Variants in SLC35F4 observed in about 807,000 individuals in gnomAD.
The protein encoded by SLC35F4 is chromosome 14 open reading frame 36.
A neutral mutation model predicts 44.2 loss-of-function variants in SLC35F4; 24 were observed. That is an observed-to-expected ratio of 0.54 (90% confidence interval 0.39 to 0.76). The LOEUF (loss-of-function observed/expected upper bound fraction) is 0.76, where lower values mean the gene tolerates loss of function less well. Ranked by LOEUF, SLC35F4 falls within the 30% of genes least tolerant of loss-of-function variation. The pLI, the probability that SLC35F4 is intolerant of heterozygous loss-of-function variation, is 0.00. For synonymous variants in SLC35F4, 238 were observed against 223.6 expected (o/e 1.06, Z -0.57); for missense variants, 562 against 586.1 (o/e 0.96, Z 0.42).
At chr14:57,720,621 A>C (rs1343530524) in intron 1 of SLC35F4, among the ~76,000 whole-genome samples, 2 of 151,984 alleles carry the variant, frequency 1.3e-5, no homozygotes, top group African/African-American at 4.8e-5. Context: ...ACTGAGTGTC[A>C]GCTTGATTGG....
At chr14:57,927,470 T>TG (rs1889601327) in intron 1 of SLC35F4, among the ~76,000 whole-genome samples, 3 of 151,500 alleles carry the variant, frequency 2.0e-5, no homozygotes, top group African/African-American at 7.3e-5. Context: ...GGTTTGAGTT[T>TG]TTTTTTTTTA....
chr14:57,622,599 C>T (rs1475248820), intron 1 of SLC35F4, among the ~76,000 whole-genome samples: 5 of 130,778 alleles, frequency 3.8e-5, no homozygotes, highest in Admixed American at 3.5e-4. Context: ...TATTCTCACT[C>T]ATAGGTGGGA....
At chr14:57,920,902 A>G (rs1351431400) in intron 1 of SLC35F4, among the ~76,000 whole-genome samples, 1 of 152,234 alleles carries the variant, frequency 6.6e-6, no homozygotes, top group Non-Finnish European at 1.5e-5. Context: ...AAATGTATAG[A>G]TTACATTTGT....
chr14:57,914,790 C>T (rs1252071409), intron 1 of SLC35F4, among the ~76,000 whole-genome samples: 3 of 152,170 alleles, frequency 2.0e-5, no homozygotes, highest in Non-Finnish European at 4.4e-5. Context: ...TCTCAAGTAG[C>T]CCTGCCCCTA....
chr14:57,725,416 T>C (rs1594892111), intron 1 of SLC35F4, among the ~76,000 whole-genome samples: 1 of 152,114 alleles, frequency 6.6e-6, no homozygotes, highest in Non-Finnish European at 1.5e-5. Context: ...TCTTCCAACA[T>C]GGAAAGGGTA....
intron 1 of SLC35F4, among the ~76,000 whole-genome samples, chr14:57,752,484 C>T (rs754991536): frequency 6.7e-6 from 1 of 149,836 alleles, no homozygotes; most frequent in African/African-American, 2.5e-5. Flanking sequence ...TTTTTTGAGA[C>T]GGAGTCTTGC....
chr14:57,805,101 T>C (rs1226803077), intron 1 of SLC35F4, among the ~76,000 whole-genome samples: 1 of 152,054 alleles, frequency 6.6e-6, no homozygotes, highest in Non-Finnish European at 1.5e-5. Context: ...GAGTAGCTAT[T>C]ATTAAAGTCA....
rs1394492402 is a variant in SLC35F4, at chr14:57,694,337, T to A, written c.104-100213A>T. 2.0e-5 allele frequency among the ~76,000 whole-genome samples: 3 copies of A among 152,332 alleles called. No homozygotes were observed. In the East Asian group the frequency reaches 5.8e-4, roughly 29 times the overall value. On this transcript the variant is annotated intron_variant, in intron 1 of 7. Transcript: ENST00000556826. ...ATTTAAATAATCAAATAGGTATTTA[T>A]CAAAAATTGTGTGATACAGTTGTAC...
chr14:57,682,490 G>C (rs568473957), intron 1 of SLC35F4, among the ~76,000 whole-genome samples: 2 of 152,178 alleles, frequency 1.3e-5, no homozygotes, highest in African/African-American at 2.4e-5. Flanking sequence ...ACCTGTCATG[G>C]GGTAGGGGGC....
chr14:57,883,703 C>T (rs958119960), intron 1 of SLC35F4, among the ~76,000 whole-genome samples: 1 of 152,142 alleles, frequency 6.6e-6, no homozygotes, highest in African/African-American at 2.4e-5. Context: ...TTGGGTGGGG[C>T]CTCATCATCT....
At chr14:57,794,647 C>A (rs2078011816) in intron 1 of SLC35F4, among the ~76,000 whole-genome samples, 1 of 152,064 alleles carries the variant, frequency 6.6e-6, no homozygotes, top group South Asian at 2.1e-4. Context: ...CCATTCTGTT[C>A]ATTTTAATTC....
At chr14:57,707,785 C>G (rs1207049305) in intron 1 of SLC35F4, among the ~76,000 whole-genome samples, 1 of 152,108 alleles carries the variant, frequency 6.6e-6, no homozygotes, top group Non-Finnish European at 1.5e-5. Flanking sequence ...TTTGAAACTG[C>G]CTTTGCAAAA....
At chr14:57,651,787 G>A (rs894529933) in intron 1 of SLC35F4, among the ~76,000 whole-genome samples, 8 of 152,256 alleles carry the variant, frequency 5.3e-5, no homozygotes, top group Middle Eastern at 3.4e-3. Context: ...GGTCTAAGAC[G>A]GCTGGAGGGA....
chr14:57,847,837 A>G (rs1010761168), intron 1 of SLC35F4, among the ~76,000 whole-genome samples: 3 of 152,238 alleles, frequency 2.0e-5, no homozygotes, highest in Non-Finnish European at 4.4e-5. Flanking sequence ...CTTAGTTTAC[A>G]GTAAATGTAG....
intron 1 of SLC35F4, among the ~76,000 whole-genome samples, chr14:57,763,029 A>T (rs2077160078): frequency 6.6e-6 from 1 of 152,196 alleles, no homozygotes; most frequent in African/African-American, 2.4e-5. Flanking sequence ...CTTATAGAAC[A>T]TTAACCAATT....
chr14:57,842,744 A>G (rs1267267851), intron 1 of SLC35F4, among the ~76,000 whole-genome samples: 1 of 152,126 alleles, frequency 6.6e-6, no homozygotes. Context: ...GATGGTTAAT[A>G]TTGAGTGTCA....
At chr14:57,686,930 A>G (rs1029975625) in intron 1 of SLC35F4, among the ~76,000 whole-genome samples, 1 of 151,644 alleles carries the variant, frequency 6.6e-6, no homozygotes, top group African/African-American at 2.4e-5. Flanking sequence ...GATAGTATTT[A>G]GAGATAAGGT....
At chr14:57,790,153 G>A (rs2077879187) in intron 1 of SLC35F4, among the ~76,000 whole-genome samples, 1 of 152,124 alleles carries the variant, frequency 6.6e-6, no homozygotes, top group African/African-American at 2.4e-5. Context: ...AGGGCAATCA[G>A]GCAAGAGAAA....
At chr14:57,894,754 T>C (rs1888837862) in intron 1 of SLC35F4, among the ~76,000 whole-genome samples, 4 of 151,596 alleles carry the variant, frequency 2.6e-5, no homozygotes, top group Non-Finnish European at 5.9e-5. Flanking sequence ...AACCAATCAA[T>C]AGTTTCAGCT....
Sources: allele counts gnomAD v4.1 joint callset (sites outside exome capture counted in the v4.1 genomes callset), GRCh38; gene constraint gnomAD v4.1.1; transcripts MANE v1.5; gene names NCBI Gene and HGNC (gene_info 2026-07-23, HGNC 2026-07-21).